The following GRIA1 variants were observed in gnomAD, a reference collection of about 807,000 sequenced individuals.
The protein encoded by GRIA1 is glutamate receptor 1.
In GRIA1, 31 loss-of-function variants were observed where a neutral mutation model predicts 99.2. The ratio of observed to expected loss-of-function variants is 0.31; its 90% CI spans 0.23 to 0.42. The LOEUF is 0.42. GRIA1 is among the 10% of genes least tolerant of loss of function. GRIA1 has a pLI of 1.00. For synonymous variants in GRIA1, 438 were observed against 432.4 expected (o/e 1.01, Z -0.16); for missense variants, 782 against 1,157.5 (o/e 0.68, Z 4.71).
intron 2 of GRIA1, among the ~76,000 whole-genome samples, chr5:153,622,905 G>A (rs4958668): frequency 0.21 from 31,865 of 152,096 alleles, 4,477 homozygotes; most frequent in East Asian, 0.76. Flanking sequence ...GCCTAGATGC[G>A]GCACCTACAC....
intron 2 of GRIA1, among the ~76,000 whole-genome samples, chr5:153,545,319 A>T (rs1356993135): frequency 6.6e-6 from 1 of 152,116 alleles, no homozygotes; most frequent in Non-Finnish European, 1.5e-5. Context: ...AAAGTTAAAG[A>T]TTGATTTGAA....
At chr5:153,516,173 T>G (rs1756611133) in intron 2 of GRIA1, among the ~76,000 whole-genome samples, 1 of 152,022 alleles carries the variant, frequency 6.6e-6, no homozygotes, top group African/African-American at 2.4e-5. Flanking sequence ...TGAGCCAAGA[T>G]CACACCACTG....
intron 11 of GRIA1, among the ~76,000 whole-genome samples, chr5:153,731,693 A>G (rs1258015544): frequency 1.3e-5 from 2 of 152,158 alleles, no homozygotes; most frequent in Non-Finnish European, 2.9e-5. Context: ...ATTATCATCC[A>G]TAATCAAGCT....
chr5:153,511,177 A>G (rs1224597236), intron 2 of GRIA1, among the ~76,000 whole-genome samples: 1 of 152,200 alleles, frequency 6.6e-6, no homozygotes, highest in Non-Finnish European at 1.5e-5. Context: ...TATTTTAAAA[A>G]GGGATTTTAT....
chr5:153,673,564 A>G (rs1581443760), intron 5 of GRIA1, among the ~76,000 whole-genome samples: 1 of 152,220 alleles, frequency 6.6e-6, no homozygotes, highest in African/African-American at 2.4e-5. Flanking sequence ...GAGTGAACCA[A>G]TGCCTAACAG....
intron 2 of GRIA1, among the ~76,000 whole-genome samples, chr5:153,505,971 G>A (rs1561593210): frequency 6.6e-6 from 1 of 152,194 alleles, no homozygotes; most frequent in Non-Finnish European, 1.5e-5. Context: ...AAATTCCCCT[G>A]TGGAATGTCG....
At chr5:153,718,118 G>A (rs1319941207) in intron 11 of GRIA1, among the ~76,000 whole-genome samples, 1 of 152,218 alleles carries the variant, frequency 6.6e-6, no homozygotes, top group East Asian at 1.9e-4. Flanking sequence ...TAGGCACAAG[G>A]CTAACTAAGC....
chr5:153,798,037 A>G (rs1351662811), intron 14 of GRIA1, among the ~76,000 whole-genome samples: 4 of 152,330 alleles, frequency 2.6e-5, no homozygotes, highest in African/African-American at 9.6e-5. Flanking sequence ...CAAGTGTCAA[A>G]GGTCATTTGG....
At chr5:153,694,238 A>C (rs1410704175) in intron 8 of GRIA1, among the ~76,000 whole-genome samples, 1 of 152,158 alleles carries the variant, frequency 6.6e-6, no homozygotes, top group Non-Finnish European at 1.5e-5. Flanking sequence ...AGCCATATAC[A>C]TCTGGCTTAC....
At chr5:153,693,883 T>C (rs1041913440) in intron 8 of GRIA1, among the ~76,000 whole-genome samples, 2 of 152,180 alleles carry the variant, frequency 1.3e-5, no homozygotes, top group African/African-American at 4.8e-5. Flanking sequence ...ATCTCCAAAG[T>C]GCAATGTCTG....
chr5:153,493,536 G>C (rs1326013052), intron 1 of GRIA1, among the ~76,000 whole-genome samples: 1 of 152,124 alleles, frequency 6.6e-6, no homozygotes, highest in Non-Finnish European at 1.5e-5. Flanking sequence ...TGAGGCTGAT[G>C]TAAGAAAAAT....
chr5:153,687,381 G>A (rs1247268464), intron 8 of GRIA1, among the ~76,000 whole-genome samples: 1 of 152,068 alleles, frequency 6.6e-6, no homozygotes, highest in Non-Finnish European at 1.5e-5. Flanking sequence ...AGTAAGTGGG[G>A]ATCACCTTAA....
rs917346730 is a variant in GRIA1, at chr5:153,813,572, C to T, written c.*2347C>T. 6.6e-6 allele frequency: 1 copy of T among 152,196 alleles called. No homozygotes were observed. Among genetic ancestry groups the T allele is most frequent in the African/African-American group, 2.4e-5 (1 of 41,456 alleles). 9.4% of individuals were successfully genotyped at this position (152,196 alleles called of 1,614,324 possible). A position where few individuals can be genotyped will look rare whatever the true frequency, so the allele number is the denominator to read the frequency against. On this transcript the variant is annotated 3_prime_UTR_variant, in exon 16 of 16. Coordinates refer to ENST00000285900, the MANE Select transcript of GRIA1 (RefSeq NM_000827.4). Reference sequence around the variant, plus strand: ...ACTTGTATTATGTATTTTTACTACACTTTTCTTAAAAATAGAGCATTGGGA... The same window carrying T: ...ACTTGTATTATGTATTTTTACTACATTTTTCTTAAAAATAGAGCATTGGGA...
chr5:153,591,640 C>T (rs922988511), intron 2 of GRIA1, among the ~76,000 whole-genome samples: 4 of 152,130 alleles, frequency 2.6e-5, no homozygotes, highest in South Asian at 4.1e-4. Flanking sequence ...CCAAGAAGCA[C>T]TCAATAGAAG....
intron 2 of GRIA1, among the ~76,000 whole-genome samples, chr5:153,643,079 G>A (rs1269324016): frequency 6.6e-6 from 1 of 152,098 alleles, no homozygotes; most frequent in Admixed American, 6.5e-5. Flanking sequence ...AGGATCCCAG[G>A]ATTTTGTTAC....
intron 11 of GRIA1, among the ~76,000 whole-genome samples, chr5:153,724,162 C>G (rs948461143): frequency 6.6e-6 from 1 of 152,160 alleles, no homozygotes; most frequent in Non-Finnish European, 1.5e-5. Flanking sequence ...CTAGCAAACT[C>G]CAACAGACCT....
intron 2 of GRIA1, among the ~76,000 whole-genome samples, chr5:153,584,564 A>C (rs773692133): frequency 2.6e-5 from 4 of 152,188 alleles, no homozygotes; most frequent in Non-Finnish European, 5.9e-5. Context: ...ATCTATTATT[A>C]ATCAGCTAGT....
intron 2 of GRIA1, among the ~76,000 whole-genome samples, chr5:153,542,361 A>G (rs1035829510): frequency 3.3e-5 from 5 of 152,154 alleles, no homozygotes; most frequent in African/African-American, 1.2e-4. Context: ...GCAGCTGTGG[A>G]ATCAGCATGG....
chr5:153,687,529 TAACCTTG>T (rs907800263), intron 8 of GRIA1, among the ~76,000 whole-genome samples: 50 of 152,312 alleles, frequency 3.3e-4, no homozygotes, highest in African/African-American at 1.2e-3. Context: ...TGCTGTCAGA[TAACCTTG>T]CCACTAGCCG....
Sources: gnomAD v4.1 joint callset for allele counts (sites outside exome capture counted in the v4.1 genomes callset) on GRCh38, gnomAD v4.1.1 for gene constraint, MANE v1.5 for transcripts, NCBI Gene and HGNC (gene_info 2026-07-23, HGNC 2026-07-21) for gene names.